Variants in VSIG10 observed in about 807,000 individuals in gnomAD.
The protein encoded by VSIG10 is V-set and immunoglobulin domain-containing protein 10.
Under a neutral mutation model 58.7 loss-of-function variants are expected in VSIG10, and 48 were observed. The ratio of observed to expected loss-of-function variants is 0.82; its 90% CI spans 0.65 to 1.04. The LOEUF (loss-of-function observed/expected upper bound fraction) is 1.04. VSIG10 is among the 50% of genes least tolerant of loss of function. The pLI is 0.00. For synonymous variants in VSIG10, 260 were observed against 267.1 expected, an observed-to-expected ratio of 0.97 and a Z score of 0.26; for missense variants, 628 against 670.0, an observed-to-expected ratio of 0.94 and a Z score of 0.69.
At chr12:118,076,368 C>CTTT (rs57070820) in intron 4 of VSIG10, among the ~76,000 whole-genome samples, 1 of 139,566 alleles carries the variant, frequency 7.2e-6, no homozygotes. Context: ...TGCACGGTCC[C>CTTT]TTTTTTTTTT....
intron 5 of VSIG10, among the ~76,000 whole-genome samples, chr12:118,073,488 T>G (rs866163319): frequency 6.6e-6 from 1 of 152,172 alleles, no homozygotes; most frequent in East Asian, 1.9e-4. Context: ...TGTATAGATA[T>G]TATGTAATTT....
At chr12:118,100,781 G>A (rs991837222) in intron 1 of VSIG10, among the ~76,000 whole-genome samples, 2 of 152,096 alleles carry the variant, frequency 1.3e-5, no homozygotes, top group African/African-American at 4.8e-5. Flanking sequence ...TGCCCACTTC[G>A]GCCTCCAAAA....
chr12:118,086,266 C>G (rs571486015), intron 2 of VSIG10, among the ~76,000 whole-genome samples: 66 of 152,048 alleles, frequency 4.3e-4, no homozygotes, highest in African/African-American at 1.5e-3. Context: ...AGTTCAAGAC[C>G]ACCCTGGGCA....
intron 3 of VSIG10, among the ~76,000 whole-genome samples, chr12:118,080,346 A>G (rs970589442): frequency 2.0e-5 from 3 of 150,692 alleles, no homozygotes; most frequent in African/African-American, 7.3e-5. Context: ...TTTTAAATAG[A>G]GACAGGGTTT....
chr12:118,103,514 G>C (rs749495910), intron 1 of VSIG10, 79 bp downstream of exon 1: 134 of 1,373,022 alleles, frequency 9.8e-5, no homozygotes, highest in Non-Finnish European at 1.2e-4. Flanking sequence ...GGAGTCGGAG[G>C]GAATTGGGTC....
Position 118,103,751 on chromosome 12 carries a change from T to C in VSIG10, c.-80A>G. The C allele has an allele frequency of 7.6e-7, 1 of 1,315,630 alleles. No individual in the cohort carries two copies. The highest frequency in any genetic ancestry group is 1.7e-5 in the South Asian group (1 of 59,280). The allele number at this position is 1,315,630 out of a possible 1,614,324, so 81.5% of individuals were successfully genotyped here. ...TGCCCCAGGGCCCCGGGGCCCGGGG[T>C]ACCGAGGGCTCCTCCCAGGTCCTCG... On this transcript the variant is annotated 5_prime_UTR_variant, in exon 1 of 9. Transcript: ENST00000359236.
chr12:118,073,677 C>G lies in VSIG10; in HGVS notation c.1219+22G>C, dbSNP rs781521955. The stretch of plus-strand genomic sequence containing the variant: ...CTGAAGCTCTGAACCCTCCCTCCTT[C>G]AGGCCCAGTTCCACCACTCACCTTT... On this transcript the variant is annotated intron_variant, in intron 5 of 8. Coordinates refer to ENST00000359236, the MANE Select transcript of VSIG10 (RefSeq NM_019086.6). 15 of 1,580,332 alleles carry G rather than the reference C, an allele frequency of 9.5e-6. No individual in the cohort carries two copies. In the East Asian group the frequency reaches 2.7e-4, roughly 29 times the overall value.
intron 1 of VSIG10, chr12:118,102,242 C>G (rs1428742777): frequency 6.6e-6 from 1 of 152,342 alleles, no homozygotes; most frequent in East Asian, 1.9e-4. Context: ...TCCTGGTGTT[C>G]ATCGTGCAGG....
At chr12:118,069,001 C>G (rs2032370425) in intron 7 of VSIG10, among the ~76,000 whole-genome samples, 1 of 152,208 alleles carries the variant, frequency 6.6e-6, no homozygotes, top group South Asian at 2.1e-4. Flanking sequence ...AAATTAATGA[C>G]TGCATTTAGA....
intron 4 of VSIG10, among the ~76,000 whole-genome samples, chr12:118,078,040 C>T (rs2032794795): frequency 6.6e-6 from 1 of 152,090 alleles, no homozygotes; most frequent in East Asian, 1.9e-4. Context: ...AATGTTTGTC[C>T]CCTCCAAATC....
chr12:118,087,855 A>AAAAAAAAAT (rs766337791), intron 2 of VSIG10, among the ~76,000 whole-genome samples: 1 of 131,242 alleles, frequency 7.6e-6, no homozygotes. Context: ...AAAAAAAAAA[A>AAAAAAAAAT]AGAGAGAGAA....
At chr12:118,070,162 T>C (rs73217976) in intron 7 of VSIG10, among the ~76,000 whole-genome samples, 14,227 of 152,072 alleles carry the variant, frequency 0.094, 867 homozygotes, top group Admixed American at 0.13. Flanking sequence ...CCTTAGGAAA[T>C]GAAATACACA....
chr12:118,092,784 C>T (rs962890662), intron 2 of VSIG10, among the ~76,000 whole-genome samples: 25 of 151,746 alleles, frequency 1.6e-4, no homozygotes, highest in African/African-American at 5.8e-4. Flanking sequence ...TACAGGCACA[C>T]GCCATCACAC....
intron 2 of VSIG10, among the ~76,000 whole-genome samples, chr12:118,084,142 A>G (rs1411816431): frequency 6.6e-6 from 1 of 152,122 alleles, no homozygotes; most frequent in African/African-American, 2.4e-5. Flanking sequence ...AAAGAAAAGG[A>G]AAAGCTTTGC....
intron 2 of VSIG10, among the ~76,000 whole-genome samples, chr12:118,087,251 G>C (rs1307036986): frequency 1.3e-5 from 2 of 152,000 alleles, no homozygotes; most frequent in African/African-American, 4.8e-5. Context: ...GATGAGTGAT[G>C]AAATCACACC....
chr12:118,088,912 G>A (rs185941139), intron 2 of VSIG10, among the ~76,000 whole-genome samples: 129 of 151,874 alleles, frequency 8.5e-4, no homozygotes, highest in Non-Finnish European at 1.6e-3. Context: ...AGTACAAAGT[G>A]CCACTGGAAT....
intron 1 of VSIG10, 137 bp downstream of exon 1, chr12:118,103,456 A>G (rs1258347479): frequency 6.7e-6 from 6 of 895,506 alleles, no homozygotes; most frequent in Non-Finnish European, 9.4e-6. Context: ...CAGGAAACCA[A>G]GACCCTCCTG....
chr12:118,103,637 A>G lies in VSIG10; in HGVS notation c.35T>C (p.Val12Ala). 1 of 1,510,280 alleles carries G rather than the reference A, an allele frequency of 6.6e-7. No individual in the cohort carries two copies. The highest frequency in any genetic ancestry group is 2.1e-5 in the Admixed American group (1 of 47,706). 93.6% of individuals were successfully genotyped at this position (1,510,280 alleles called of 1,614,324 possible). ...AAGGSAPEPR[V>A]LVCLGALLAG... Reference sequence around the variant, plus strand: ...CAGGAGCGCCCCGAGGCAGACGAGGACGCGGGGCTCGGGCGCACTGCCGCC... The same window carrying G: ...CAGGAGCGCCCCGAGGCAGACGAGGGCGCGGGGCTCGGGCGCACTGCCGCC... Residue 12 changes from valine to alanine, a missense_variant, in exon 1 of 9, where the codon GTC becomes GCC. Physicochemically the swap from Val to Ala is moderately conservative, Grantham distance 64. Coordinates refer to ENST00000359236, the MANE Select transcript of VSIG10 (RefSeq NM_019086.6).
chr12:118,073,113 C>G (rs2032566497), intron 5 of VSIG10, among the ~76,000 whole-genome samples: 1 of 152,112 alleles, frequency 6.6e-6, no homozygotes, highest in African/African-American at 2.4e-5. Context: ...GCTGGGATTA[C>G]AGGCACCTGC....
Sources: allele counts gnomAD v4.1 joint callset (sites outside exome capture counted in the v4.1 genomes callset), GRCh38; gene constraint gnomAD v4.1.1; transcripts MANE v1.5; gene names NCBI Gene and HGNC (gene_info 2026-07-23, HGNC 2026-07-21).